SDK1: variants seen among roughly 807,000 people sequenced by gnomAD.
SDK1 encodes sidekick cell adhesion molecule 1.
SDK1 carries 157 observed loss-of-function variants against 245.5 expected under a neutral mutation model. That is an observed-to-expected ratio of 0.64 (90% CI 0.56 to 0.73). The LOEUF is 0.73. SDK1 is among the 30% of genes least tolerant of loss of function. The pLI, the probability that SDK1 is intolerant of heterozygous loss-of-function variation, is 0.00. For synonymous variants in SDK1, 1,647 were observed against 1,278.5 expected (o/e 1.29, Z -6.15); for missense variants, 3,583 against 3,002.3 (o/e 1.19, Z -4.52).
rs769585454 is a variant in SDK1, at chr7:4,017,287, C to T, written c.2537C>T (p.Ala846Val). 42 of 1,613,756 alleles carry T rather than the reference C, an allele frequency of 2.6e-5. No individual in the cohort carries two copies. Among genetic ancestry groups the T allele is most frequent in the Non-Finnish European group, 3.0e-5 (35 of 1,179,860 alleles). ...TGGACACAGTATGAGATACAGGTGGCGGCGTACAACGGGGCCGGTCTGGGC... is the reference window on the plus strand; with the variant it reads ...TGGACACAGTATGAGATACAGGTGGTGGCGTACAACGGGGCCGGTCTGGGC... ...IIWTQYEIQVAAYNGAGLGVF... is the reference protein window; with the variant it reads ...IIWTQYEIQVVAYNGAGLGVF... Residue 846 changes from alanine (A) to valine (V), a missense_variant, in exon 17 of 45, where the codon GCG becomes GTG. Transcript: ENST00000404826.
intron 1 of SDK1, among the ~76,000 whole-genome samples, chr7:3,533,320 T>A (rs1322139536): frequency 6.6e-6 from 1 of 152,130 alleles, no homozygotes; most frequent in Non-Finnish European, 1.5e-5. Context: ...AATTGAAAAG[T>A]TGGATAAAAA....
At chr7:3,601,789 T>G (rs1192063517) in intron 1 of SDK1, among the ~76,000 whole-genome samples, 1 of 151,352 alleles carries the variant, frequency 6.6e-6, no homozygotes, top group African/African-American at 2.4e-5. Flanking sequence ...AACTCGTCAT[T>G]TAGCATTAGG....
chr7:3,687,962 A>G (rs555656929), intron 4 of SDK1, among the ~76,000 whole-genome samples: 2 of 152,306 alleles, frequency 1.3e-5, no homozygotes, highest in South Asian at 4.1e-4. Flanking sequence ...AGGGAATGAG[A>G]GGAGAAACAT....
At chr7:4,024,068 T>A (rs1562687258) in intron 17 of SDK1, among the ~76,000 whole-genome samples, 1 of 152,248 alleles carries the variant, frequency 6.6e-6, no homozygotes, top group African/African-American at 2.4e-5. Context: ...TTTTTCTGGT[T>A]TTATTTCTTT....
At chr7:3,801,705 T>A (rs1363930879) in intron 4 of SDK1, among the ~76,000 whole-genome samples, 1 of 152,202 alleles carries the variant, frequency 6.6e-6, no homozygotes, top group Non-Finnish European at 1.5e-5. Flanking sequence ...TCTCTGTCTC[T>A]CTGGTTCCTT....
intron 32 of SDK1, among the ~76,000 whole-genome samples, chr7:4,169,831 A>G (rs944401347): frequency 6.6e-6 from 1 of 152,066 alleles, no homozygotes; most frequent in African/African-American, 2.4e-5. Context: ...CTGGGCACAG[A>G]GCTCTCCTGC....
At chr7:3,453,643 C>G (rs1780586908) in intron 1 of SDK1, among the ~76,000 whole-genome samples, 1 of 152,168 alleles carries the variant, frequency 6.6e-6, no homozygotes, top group African/African-American at 2.4e-5. Flanking sequence ...CCCCTTAGAG[C>G]CTCCAGAGGG....
At chr7:3,799,622 G>T (rs535767209) in intron 4 of SDK1, among the ~76,000 whole-genome samples, 2 of 148,994 alleles carry the variant, frequency 1.3e-5, no homozygotes, top group African/African-American at 4.9e-5. Flanking sequence ...GGAGAATGGC[G>T]TGAACCTGGG....
At chr7:4,233,908 G>C (rs145054745) in intron 41 of SDK1, among the ~76,000 whole-genome samples, 1 of 152,340 alleles carries the variant, frequency 6.6e-6, no homozygotes, top group Non-Finnish European at 1.5e-5. Context: ...TTTCCTCATA[G>C]TTTTAAAAAT....
intron 1 of SDK1, among the ~76,000 whole-genome samples, chr7:3,436,673 A>G (rs920222032): frequency 6.6e-6 from 1 of 152,192 alleles, no homozygotes; most frequent in African/African-American, 2.4e-5. Context: ...TCTTATTTTT[A>G]TCGTGTAATA....
chr7:3,552,144 T>C (rs1779438618), intron 1 of SDK1, among the ~76,000 whole-genome samples: 3 of 152,066 alleles, frequency 2.0e-5, no homozygotes, highest in Admixed American at 2.0e-4. Flanking sequence ...GTTCATGCCA[T>C]TCTCTGCCTC....
intron 4 of SDK1, among the ~76,000 whole-genome samples, chr7:3,788,836 C>T (rs1027504676): frequency 2.6e-5 from 4 of 152,112 alleles, no homozygotes; most frequent in Non-Finnish European, 5.9e-5. Flanking sequence ...CTCCCAGTTC[C>T]GAGAGAGGAG....
At chr7:3,348,321 A>C (rs1258645650) in intron 1 of SDK1, among the ~76,000 whole-genome samples, 1 of 152,182 alleles carries the variant, frequency 6.6e-6, no homozygotes, top group Non-Finnish European at 1.5e-5. Context: ...GTTGTTACGA[A>C]GGTAAGTGTG....
chr7:4,072,909 C>G (rs987504180), intron 20 of SDK1, among the ~76,000 whole-genome samples: 1 of 152,218 alleles, frequency 6.6e-6, no homozygotes, highest in Non-Finnish European at 1.5e-5. Context: ...TGCGCCTGCC[C>G]GAGTAAATTG....
At chr7:3,909,171 C>G (rs1779065185) in intron 5 of SDK1, among the ~76,000 whole-genome samples, 1 of 152,214 alleles carries the variant, frequency 6.6e-6, no homozygotes, top group Non-Finnish European at 1.5e-5. Flanking sequence ...GGCAGACCAT[C>G]TTCAGACGCA....
chr7:4,042,452 C>G (rs1242837056), intron 17 of SDK1, among the ~76,000 whole-genome samples: 1 of 136,848 alleles, frequency 7.3e-6, no homozygotes, highest in African/African-American at 3.3e-5. Context: ...AAGACAGTGT[C>G]CAATGGGTTT....
At chr7:3,830,243 A>G (rs1217196705) in intron 5 of SDK1, among the ~76,000 whole-genome samples, 1 of 152,160 alleles carries the variant, frequency 6.6e-6, no homozygotes, top group African/African-American at 2.4e-5. Context: ...ACGGACGATG[A>G]GTATTCATTT....
rs183699670 is a variant in SDK1 at position 3,956,674 on chromosome 7, T to G, written c.1151-2257T>G. Reference sequence around the variant, plus strand: ...CAGGCTGCCCCCCAGACCTTGCCCATGCCACAGTACTATGGAGAGTGTGGA... The same window carrying G: ...CAGGCTGCCCCCCAGACCTTGCCCAGGCCACAGTACTATGGAGAGTGTGGA... On this transcript the variant is annotated intron_variant, in intron 7 of 44. Coordinates refer to ENST00000404826, the MANE Select transcript of SDK1 (RefSeq NM_152744.4). Among the ~76,000 whole-genome samples the G allele has an allele frequency of 1.7e-3, 253 of 152,354 alleles. 1 individual carries two copies. Among genetic ancestry groups the G allele is most frequent in the African/African-American group, 5.9e-3 (247 of 41,586 alleles).
chr7:4,065,701 T>TG (rs1779847610), intron 19 of SDK1, among the ~76,000 whole-genome samples: 1 of 78,964 alleles, frequency 1.3e-5, no homozygotes, highest in Non-Finnish European at 2.2e-5. Flanking sequence ...GTTGTTTTTT[T>TG]TTTTTTTTTT....
Sources: allele counts gnomAD v4.1 joint callset (sites outside exome capture counted in the v4.1 genomes callset), GRCh38; gene constraint gnomAD v4.1.1; transcripts MANE v1.5; gene names NCBI Gene and HGNC (gene_info 2026-07-23, HGNC 2026-07-21).